SLC40A1: variants seen among roughly 807,000 people sequenced by gnomAD.
The protein encoded by SLC40A1 is ferroportin.
SLC40A1 carries 16 observed loss-of-function variants against 53.5 expected under a neutral mutation model. That is an observed-to-expected ratio of 0.30 (90% confidence interval 0.20 to 0.45). SLC40A1 has a LOEUF of 0.45. Ranked by LOEUF, SLC40A1 falls within the 20% of genes least tolerant of loss-of-function variation. SLC40A1 has a pLI of 1.00. For synonymous variants in SLC40A1, 247 were observed against 253.2 expected (o/e 0.98, Z 0.23); for missense variants, 545 against 695.4 (o/e 0.78, Z 2.43).
rs79619979 is a variant in SLC40A1, at chr2:189,569,926, G to A, written c.514+1789C>T. 1.4e-4 allele frequency among the ~76,000 whole-genome samples: 21 copies of A among 151,692 alleles called. No individual in the cohort carries two copies. In the East Asian group the frequency reaches 3.9e-3, roughly 28 times the overall value. ...CTTCATAGAAAAATCCCAGAGTTATGTGGCATGTTTGCAGTTATATTTATA... is the reference window on the plus strand; with the variant it reads ...CTTCATAGAAAAATCCCAGAGTTATATGGCATGTTTGCAGTTATATTTATA... On this transcript the variant is annotated intron_variant, in intron 5 of 7. Transcript: ENST00000261024.
chr2:189,563,693 G>A lies in SLC40A1; in HGVS notation c.1293C>T (p.Tyr431=). The change falls in exon 7 of 8, where the codon TAC becomes TAT. Residue 431 remains tyrosine (Y), a synonymous_variant. Transcript: ENST00000261024. ...TAGCAGAATTAGACCCATTAGACAT[G>A]TATATTTCAGTTGTAATTTCAGGTA... ...TKIPEITTEI[Y]MSNGSNSANI... The A allele has an allele frequency of 6.2e-7, 1 of 1,614,112 alleles. No individual in the cohort carries two copies. The highest frequency in any genetic ancestry group is 8.5e-7 in the Non-Finnish European group (1 of 1,179,932).
rs548065216 is a variant in SLC40A1, at chr2:189,566,619, TAGAC to T, written c.515-1024_515-1021del. Among the ~76,000 whole-genome samples, 3 of 152,162 alleles carry T rather than the reference TAGAC, an allele frequency of 2.0e-5. No individual in the cohort carries two copies. In the South Asian group the frequency reaches 6.2e-4, roughly 31 times the overall value. On this transcript the variant is annotated intron_variant, in intron 5 of 7. Transcript: ENST00000261024. Reference sequence around the variant, plus strand: ...ACCGCATAACTGAAGGAGTTGCTCTTAGACAGGAACACAATTCATCAATAGTAAC... The same window carrying T: ...ACCGCATAACTGAAGGAGTTGCTCTTAGGAACACAATTCATCAATAGTAAC...
intron 6 of SLC40A1, among the ~76,000 whole-genome samples, chr2:189,564,538 T>C (rs2030866632): frequency 6.6e-6 from 1 of 151,778 alleles, no homozygotes; most frequent in South Asian, 2.1e-4. Flanking sequence ...ATTAAAATTG[T>C]CTAAAAAAAC....
chr2:189,561,909 T>G lies in SLC40A1; in HGVS notation c.1685A>C (p.Lys562Thr). ...AACAGATGTATTTGCTTGATTTTCC[T>G]TCCTAACTTCTTTTGCATCAGGACC... ...ACGPDAKEVRKENQANTSVV is the reference protein window; with the variant it reads ...ACGPDAKEVRTENQANTSVV Residue 562 changes from lysine (K) to threonine (T), a missense_variant, in exon 8 of 8, where the codon AAG becomes ACG. Coordinates refer to ENST00000261024, the MANE Select transcript of SLC40A1 (RefSeq NM_014585.6). The G allele has an allele frequency of 6.2e-7, 1 of 1,614,178 alleles. No homozygotes were observed. The highest frequency in any genetic ancestry group is 8.5e-7 in the Non-Finnish European group (1 of 1,179,992).
intron 2 of SLC40A1, among the ~76,000 whole-genome samples, chr2:189,577,815 C>T (rs1284840048): frequency 6.6e-6 from 1 of 150,886 alleles, no homozygotes; most frequent in East Asian, 2.0e-4. Flanking sequence ...CAGAGTCTCC[C>T]TATGTTGCCC....
At chr2:189,564,455 T>TTC (rs530547111) in intron 6 of SLC40A1, among the ~76,000 whole-genome samples, 2 of 151,660 alleles carry the variant, frequency 1.3e-5, no homozygotes, top group South Asian at 2.1e-4. Flanking sequence ...CCTCTTTTTT[T>TTC]TCTCTCTCTC....
chr2:189,580,139 C>A (rs2031409090), intron 1 of SLC40A1, among the ~76,000 whole-genome samples: 1 of 138,462 alleles, frequency 7.2e-6, no homozygotes, highest in African/African-American at 2.5e-5. Context: ...CTTGTTTCAG[C>A]ATTCTTTTTT....
intron 7 of SLC40A1, among the ~76,000 whole-genome samples, chr2:189,562,703 C>G (rs1034941065): frequency 2.0e-5 from 3 of 152,086 alleles, no homozygotes; most frequent in Non-Finnish European, 4.4e-5. Flanking sequence ...AAAACAGTTT[C>G]ATTTCAAGAC....
In SLC40A1 at chr2:189,571,777, G is replaced by A; in HGVS notation, c.452C>T (p.Ala151Val). 1 of 1,613,276 alleles carries A rather than the reference G, an allele frequency of 6.2e-7. No individual in the cohort carries two copies. Among genetic ancestry groups the A allele is most frequent in the Non-Finnish European group, 8.5e-7 (1 of 1,179,388 alleles). Reference sequence around the variant, plus strand: ...AATCCAATCCCTTTGGATTGTGATTGCAGTAGCAGTACTGGCCAAATTTGC... The same window carrying A: ...AATCCAATCCCTTTGGATTGTGATTACAGTAGCAGTACTGGCCAAATTTGC... ...NIANLASTAT[A>V]ITIQRDWIVV... The change falls in exon 5 of 8, where the codon GCA becomes GTA. Residue 151 changes from alanine (A) to valine (V), a missense_variant. Physicochemically the swap from Ala to Val is moderately conservative, Grantham distance 64. Transcript: ENST00000261024.
intron 7 of SLC40A1, 74 bp from the exon 8 acceptor site, chr2:189,562,265 G>GTGAT: frequency 8.6e-7 from 1 of 1,159,476 alleles, no homozygotes; most frequent in Non-Finnish European, 1.2e-6. Context: ...ATAAAAATCT[G>GTGAT]TTGACATATG....
intron 3 of SLC40A1, among the ~76,000 whole-genome samples, 159 bp from the exon 4 acceptor site, chr2:189,573,120 C>T (rs917271515): frequency 6.6e-6 from 1 of 152,202 alleles, no homozygotes; most frequent in Non-Finnish European, 1.5e-5. Flanking sequence ...GCCTCAACTA[C>T]TCTCAATACA....
rs1410318561 is a variant in SLC40A1, at chr2:189,561,193, T to C, written c.*685A>G. On this transcript the variant is annotated 3_prime_UTR_variant, in exon 8 of 8. Coordinates refer to ENST00000261024, the MANE Select transcript of SLC40A1 (RefSeq NM_014585.6). The stretch of plus-strand genomic sequence containing the variant: ...CAGTCATTGTGTGATAAATCTACTT[T>C]ACAGCTTTGCTTCTACCTGCAGCTT... 1.3e-5 allele frequency: 2 copies of C among 152,322 alleles called. No individual in the cohort carries two copies. The highest frequency in any genetic ancestry group is 4.8e-5 in the African/African-American group (2 of 41,468). 9.4% of individuals were successfully genotyped at this position (152,322 alleles called of 1,614,324 possible).
chr2:189,563,638 C>G lies in SLC40A1; in HGVS notation c.1348G>C (p.Val450Leu). ...NIVPETSPES[V>L]PIISVSLLFA... ...AGCAGACTGACAGAGATTATGGGCACAGATTCAGGACTTGTCTCCGGGACA... is the reference window on the plus strand; with the variant it reads ...AGCAGACTGACAGAGATTATGGGCAGAGATTCAGGACTTGTCTCCGGGACA... The change falls in exon 7 of 8, where the codon GTG (valine) becomes CTG (leucine). Residue 450 changes from valine (V) to leucine (L), a missense_variant. Val to Leu is a conservative substitution (Grantham distance 32). Coordinates refer to ENST00000261024, the MANE Select transcript of SLC40A1 (RefSeq NM_014585.6). The G allele has an allele frequency of 6.2e-7, 1 of 1,614,130 alleles. No individual in the cohort carries two copies. The highest frequency in any genetic ancestry group is 8.5e-7 in the Non-Finnish European group (1 of 1,180,006).
intron 3 of SLC40A1, among the ~76,000 whole-genome samples, chr2:189,573,846 G>A (rs2031209010): frequency 6.6e-6 from 1 of 152,148 alleles, no homozygotes; most frequent in Non-Finnish European, 1.5e-5. Flanking sequence ...AAAATAAGCT[G>A]CTTACTGAAA....
At chr2:189,571,630 T>C (rs1057485026) in intron 5 of SLC40A1, 85 bp downstream of exon 5, 2 of 1,554,456 alleles carry the variant, frequency 1.3e-6, no homozygotes, top group African/African-American at 1.4e-5. Context: ...AGAACAAAAA[T>C]ACAAGGCTTA....
At position 189,580,600 on chromosome 2, in the gene SLC40A1, G is replaced by C. The variant is rs1478237727; in HGVS notation, c.-140C>G. On this transcript the variant is annotated 5_prime_UTR_variant, in exon 1 of 8. Coordinates refer to ENST00000261024, the MANE Select transcript of SLC40A1 (RefSeq NM_014585.6). ...CAGCCTTGGGCAAAAAGACTACAAC[G>C]ACGACTTTGGCAAAGAACAAAAGAA... 9 of 1,565,256 alleles carry C rather than the reference G, an allele frequency of 5.7e-6. No homozygotes were observed. The East Asian group carries it at 2.1e-4, about 36-fold the overall frequency.
chr2:189,571,889 C>T, intron 4 of SLC40A1, 48 bp from the exon 5 acceptor site: 1 of 1,185,028 alleles, frequency 8.4e-7, no homozygotes, highest in Non-Finnish European at 1.3e-6. Flanking sequence ...GTTTACCACA[C>T]TGTACATATG....
At chr2:189,563,267 C>T (rs1264202985) in intron 7 of SLC40A1, among the ~76,000 whole-genome samples, 1 of 145,810 alleles carries the variant, frequency 6.9e-6, no homozygotes, top group Non-Finnish European at 1.5e-5. Flanking sequence ...AGAGCAAGAC[C>T]CTGATCTCAA....
intron 5 of SLC40A1, 110 bp downstream of exon 5, chr2:189,571,605 T>G: frequency 6.6e-7 from 1 of 1,514,332 alleles, no homozygotes; most frequent in Non-Finnish European, 8.9e-7. Flanking sequence ...AATTTATCAT[T>G]CTTAAAAAAT....
Sources: allele counts gnomAD v4.1 joint callset (sites outside exome capture counted in the v4.1 genomes callset), GRCh38; gene constraint gnomAD v4.1.1; transcripts MANE v1.5; gene names NCBI Gene and HGNC (gene_info 2026-07-23, HGNC 2026-07-21).